PNLDC1: variants seen among roughly 807,000 people sequenced by gnomAD.
PNLDC1 encodes the protein poly(A)-specific ribonuclease PNLDC1.
In PNLDC1, 70 loss-of-function variants were observed where a neutral mutation model predicts 82.0. The observed-to-expected ratio is 0.85, with a 90% CI of 0.70 to 1.04. The LOEUF (loss-of-function observed/expected upper bound fraction) is 1.04. PNLDC1 is among the 50% of genes least tolerant of loss of function. The probability of loss-of-function intolerance (pLI) is 0.00; values close to 1 mark genes in which losing one functional copy is unlikely to be tolerated. For synonymous variants in PNLDC1, 280 were observed against 249.3 expected, an observed-to-expected ratio of 1.12 and a Z score of -1.16; for missense variants, 631 against 661.1, an observed-to-expected ratio of 0.95 and a Z score of 0.50.
chr6:159,807,779 C>T (rs1223060017), intron 7 of PNLDC1, among the ~76,000 whole-genome samples: 1 of 152,162 alleles, frequency 6.6e-6, no homozygotes, highest in Non-Finnish European at 1.5e-5. Flanking sequence ...TTTCAGATTC[C>T]ACAGTGCAAT....
intron 13 of PNLDC1, 84 bp downstream of exon 13, chr6:159,816,117 C>CCCACACCCCTCCCCCCCCCCCCG (rs1781807441): frequency 2.4e-5 from 25 of 1,028,414 alleles, no homozygotes; most frequent in South Asian, 1.2e-4. Context: ...CCCTGGTTCC[C>CCCACACCCCTCCCCCCCCCCCCG]CCACACCCCT....
intron 2 of PNLDC1, 114 bp from the exon 3 acceptor site, chr6:159,800,999 T>A: frequency 6.9e-7 from 1 of 1,459,640 alleles, no homozygotes; most frequent in Non-Finnish European, 9.6e-7. Context: ...GCTCCCTAGT[T>A]GTTGTAACAA....
intron 15 of PNLDC1, among the ~76,000 whole-genome samples, chr6:159,817,949 G>A (rs1273886273): frequency 6.6e-6 from 1 of 152,268 alleles, no homozygotes; most frequent in African/African-American, 2.4e-5. Flanking sequence ...CCTCTCTTGT[G>A]GTTTGACTGT....
At chr6:159,811,052 C>A (rs1203658185) in intron 10 of PNLDC1, among the ~76,000 whole-genome samples, 1 of 152,156 alleles carries the variant, frequency 6.6e-6, no homozygotes, top group Non-Finnish European at 1.5e-5. Context: ...GGGTCATCAC[C>A]CTCTCAGCCG....
At position 159,819,306 on chromosome 6, in the gene PNLDC1, C is replaced by G; in HGVS notation, c.1486C>G (p.Leu496Val). Residue 496 changes from leucine (L) to valine (V), a missense_variant, in exon 18 of 19, where the codon CTG (leucine) becomes GTG (valine). Transcript: ENST00000392167. The surrounding 1 kb of genome is among the most constrained non-coding windows in gnomAD (Gnocchi z 4.6). ...GGACCACCCGACCCTGTGCATCTCC[C>G]TGTACCGCTACTGGAGGCACTCCCC... is the stretch of plus-strand genomic sequence containing the variant. The part of the protein sequence containing the change: ...YRDHPTLCIS[L>V]YRYWRHSPNV... 1 of 1,613,986 alleles carries G rather than the reference C, an allele frequency of 6.2e-7. No individual in the cohort carries two copies. Among genetic ancestry groups the G allele is most frequent in the Admixed American group, 1.7e-5 (1 of 60,022 alleles).
chr6:159,807,675 C>T (rs927042401), intron 7 of PNLDC1, among the ~76,000 whole-genome samples: 3 of 152,150 alleles, frequency 2.0e-5, no homozygotes, highest in East Asian at 1.9e-4. Context: ...TACTATTGTG[C>T]GCTATCTTAT....
chr6:159,818,921 C>A (rs777715961), intron 16 of PNLDC1, 25 bp from the exon 17 acceptor site: 1 of 1,609,074 alleles, frequency 6.2e-7, no homozygotes, highest in Non-Finnish European at 8.5e-7. Context: ...TGTGGAAAAT[C>A]TCTTGTGTTC....
At position 159,819,987 on chromosome 6, in the gene PNLDC1, G is replaced by C. The variant is rs1361127692; in HGVS notation, c.1533-467G>C. Among the ~76,000 whole-genome samples the C allele has an allele frequency of 6.6e-6, 1 of 152,210 alleles. No homozygotes were observed. The highest frequency in any genetic ancestry group is 1.5e-5 in the Non-Finnish European group (1 of 68,038). On this transcript the variant is annotated intron_variant, in intron 18 of 18. Coordinates refer to ENST00000392167, the MANE Select transcript of PNLDC1 (RefSeq NM_001271862.2). The surrounding 1 kb of genome is among the most constrained non-coding windows in gnomAD (Gnocchi z 4.6). ...CCGACTCAGGTTGTCTTCCGTGTTG[G>C]GGTAGACTGTGGAGGCGAGACGCTG...
intron 9 of PNLDC1, among the ~76,000 whole-genome samples, chr6:159,809,483 G>T (rs1426823509): frequency 4.1e-5 from 6 of 147,298 alleles, no homozygotes; most frequent in African/African-American, 1.3e-4. Flanking sequence ...TGGTAGAGAC[G>T]GGATCTCGCA....
chr6:159,810,597 T>C (rs1781614239), intron 10 of PNLDC1, among the ~76,000 whole-genome samples: 2 of 152,200 alleles, frequency 1.3e-5, no homozygotes, highest in Non-Finnish European at 2.9e-5. Context: ...TTATTGGACA[T>C]TCAGTGGTGC....
At chr6:159,801,380 G>A (rs753914054) in intron 3 of PNLDC1, among the ~76,000 whole-genome samples, 194 bp downstream of exon 3, 10 of 152,134 alleles carry the variant, frequency 6.6e-5, no homozygotes, top group Non-Finnish European at 8.8e-5. Context: ...CATTGTTTCC[G>A]TGCTTAAATA....
At chr6:159,810,143 T>C in intron 10 of PNLDC1, 48 bp downstream of exon 10, 1 of 1,534,564 alleles carries the variant, frequency 6.5e-7, no homozygotes, top group Non-Finnish European at 9.0e-7. Flanking sequence ...GTTTGCCATC[T>C]GGCAGAGGGA....
At chr6:159,818,529 A>C (rs1324470328) in intron 15 of PNLDC1, 26 bp from the exon 16 acceptor site, 2 of 1,602,732 alleles carry the variant, frequency 1.2e-6, no homozygotes, top group Non-Finnish European at 1.7e-6. Context: ...TGCGCCCGAC[A>C]GCTTTGGGGT....
Position 159,810,069 on chromosome 6 carries a change from A to G in PNLDC1, c.827A>G (p.His276Arg). ...ATGATGATGGACCTGCTGCACCTCC[A>G]TGAGAAGTTCTTCAGACCCCTCCCA... The part of the protein sequence containing the change: ...HNMMMDLLHL[H>R]EKFFRPLPES... The change falls in exon 10 of 19, where the codon CAT (histidine) becomes CGT (arginine). Residue 276 changes from histidine to arginine, a missense_variant. By Grantham distance (29) the His-to-Arg change is conservative. Transcript: ENST00000392167. 4 of 1,614,098 alleles carry G rather than the reference A, an allele frequency of 2.5e-6. No homozygotes were observed. The South Asian group carries it at 3.3e-5, about 13-fold the overall frequency.
Position 159,808,763 on chromosome 6 carries a change from C to T in PNLDC1, c.586C>T (p.Leu196=), listed in dbSNP as rs773207623. The change falls in exon 8 of 19, where the codon CTG becomes TTG. Residue 196 remains leucine, a synonymous_variant. Transcript: ENST00000392167. ...ITGFQAFEVQ[L]VLRQALPNIW... ...AGGCTTCCAGGCCTTTGAGGTCCAA[C>T]TGGTGCTGAGGCAGGCCCTCCCCAA... 3 of 1,614,012 alleles carry T rather than the reference C, an allele frequency of 1.9e-6. No individual in the cohort carries two copies. In the South Asian group the frequency reaches 3.3e-5, roughly 18 times the overall value.
At position 159,818,673 on chromosome 6, in the gene PNLDC1, G is replaced by GC. The variant is rs1187683245; in HGVS notation, c.1257+24dup. On this transcript the variant is annotated intron_variant, in intron 16 of 18. Coordinates refer to ENST00000392167, the MANE Select transcript of PNLDC1 (RefSeq NM_001271862.2). ...AAAGATCGTGAGTAGATCTCATTTG[G>GC]CCCCCTCGCCCCATTCAGAGTTCAG... 4 of 1,599,512 alleles carry GC rather than the reference G, an allele frequency of 2.5e-6. No homozygotes were observed. The highest frequency in any genetic ancestry group is 3.4e-6 in the Non-Finnish European group (4 of 1,167,832).
intron 11 of PNLDC1, among the ~76,000 whole-genome samples, 198 bp from the exon 12 acceptor site, chr6:159,813,403 C>T (rs879302169): frequency 4.6e-5 from 7 of 152,020 alleles, no homozygotes; most frequent in Admixed American, 3.9e-4. Flanking sequence ...TTTGAGAGTC[C>T]TTCTAGGAAA....
chr6:159,809,217 G>C, intron 9 of PNLDC1, 59 bp downstream of exon 9: 1 of 1,563,802 alleles, frequency 6.4e-7, no homozygotes, highest in Non-Finnish European at 8.7e-7. Flanking sequence ...TCTGGTCATA[G>C]ATACTAAAGG....
chr6:159,805,715 A>G lies in PNLDC1; in HGVS notation c.462-268A>G. ...CAATGCTTGGTATTGGCTAGATACC[A>G]ATAGCTTTTCCTCCATACATCCTAG... On this transcript the variant is annotated intron_variant, in intron 6 of 18. Transcript: ENST00000392167. 7.2e-6 allele frequency: 3 copies of G among 417,894 alleles called. No homozygotes were observed. The South Asian group carries it at 7.6e-5, about 11-fold the overall frequency. 25.9% of individuals were successfully genotyped at this position (417,894 alleles called of 1,614,324 possible).
Sources: gnomAD v4.1 joint callset for allele counts (sites outside exome capture counted in the v4.1 genomes callset) on GRCh38, gnomAD v4.1.1 for gene constraint, Gnocchi (gnomAD v3.1) non-coding constraint, MANE v1.5 for transcripts, NCBI Gene and HGNC (gene_info 2026-07-23, HGNC 2026-07-21) for gene names.